The following GRID2 variants were observed in gnomAD, a reference collection of about 807,000 sequenced individuals.
GRID2 encodes the protein glutamate ionotropic receptor delta type subunit 2.
Under a neutral mutation model 114.8 loss-of-function variants are expected in GRID2, and 33 were observed. The ratio of observed to expected loss-of-function variants is 0.29; its 90% CI spans 0.22 to 0.38. The LOEUF (loss-of-function observed/expected upper bound fraction) is 0.38, where lower values mean the gene tolerates loss of function less well. Ranked by LOEUF, GRID2 falls within the 10% of genes least tolerant of loss-of-function variation. The pLI is 1.00. For missense variants in GRID2, 1,184 were observed against 1,257.7 expected (o/e 0.94, Z 0.89); for synonymous variants, 505 against 449.9 (o/e 1.12, Z -1.55).
chr4:92,887,690 T>C (rs1033046384), intron 2 of GRID2, among the ~76,000 whole-genome samples: 1 of 152,224 alleles, frequency 6.6e-6, no homozygotes, highest in Non-Finnish European at 1.5e-5. Flanking sequence ...GATCTTTTCT[T>C]AATCAGATTT....
intron 8 of GRID2, among the ~76,000 whole-genome samples, chr4:93,260,725 G>A (rs931510961): frequency 6.6e-6 from 1 of 151,716 alleles, no homozygotes; most frequent in South Asian, 2.1e-4. Context: ...TTTTCAACAG[G>A]CCAATCACAG....
At chr4:92,663,062 T>C (rs1732596275) in intron 2 of GRID2, among the ~76,000 whole-genome samples, 1 of 151,036 alleles carries the variant, frequency 6.6e-6, no homozygotes, top group Non-Finnish European at 1.5e-5. Flanking sequence ...CATCATGCAA[T>C]TCATATGCTA....
At chr4:92,777,360 A>G (rs1738860712) in intron 2 of GRID2, among the ~76,000 whole-genome samples, 1 of 152,094 alleles carries the variant, frequency 6.6e-6, no homozygotes, top group Non-Finnish European at 1.5e-5. Flanking sequence ...TTTGTGTGGT[A>G]ATAACAGCCC....
chr4:92,895,953 T>G (rs184905136), intron 2 of GRID2, among the ~76,000 whole-genome samples: 1 of 152,304 alleles, frequency 6.6e-6, no homozygotes, highest in Admixed American at 6.5e-5. Context: ...GTTGTCAGTA[T>G]TTTAGCCATG....
At chr4:93,793,373 A>G (rs928372166) in intron 1 of GRID2, among the ~76,000 whole-genome samples, 1 of 152,222 alleles carries the variant, frequency 6.6e-6, no homozygotes, top group Non-Finnish European at 1.5e-5. Context: ...GATTCTGATA[A>G]TGAACGTAGA....
intron 2 of GRID2, among the ~76,000 whole-genome samples, chr4:92,611,134 GTGTGTGTGTGCA>G (rs968594512): frequency 5.8e-5 from 8 of 137,182 alleles, no homozygotes; most frequent in African/African-American, 1.3e-4. Context: ...GTGTGTGCAT[GTGTGTGTGTGCA>G]TGTGTGTGTG....
At chr4:93,769,973 C>T (rs919652398) in intron 15 of GRID2, among the ~76,000 whole-genome samples, 2 of 152,164 alleles carry the variant, frequency 1.3e-5, no homozygotes, top group Non-Finnish European at 2.9e-5. Context: ...TTATCAAATC[C>T]AAAATCCACA....
chr4:93,038,940 C>T (rs1185737069), intron 2 of GRID2, among the ~76,000 whole-genome samples: 1 of 151,984 alleles, frequency 6.6e-6, no homozygotes, highest in Non-Finnish European at 1.5e-5. Context: ...ACTAGAAATA[C>T]CATTTGACCC....
chr4:92,720,626 T>C (rs1735766402), intron 2 of GRID2, among the ~76,000 whole-genome samples: 1 of 152,114 alleles, frequency 6.6e-6, no homozygotes, highest in Admixed American at 6.6e-5. Flanking sequence ...GTTGTGTATC[T>C]TTAAATATGC....
intron 4 of GRID2, among the ~76,000 whole-genome samples, chr4:93,130,362 G>T (rs1351407932): frequency 6.6e-6 from 1 of 152,112 alleles, no homozygotes; most frequent in African/African-American, 2.4e-5. Context: ...GATTACTGGA[G>T]CCCAGGATGT....
intron 1 of GRID2, among the ~76,000 whole-genome samples, chr4:92,574,628 T>A (rs1324206259): frequency 6.6e-6 from 1 of 152,084 alleles, no homozygotes; most frequent in East Asian, 1.9e-4. Context: ...GAAATTCTGT[T>A]CTTTAAAATG....
rs72889657 is a variant in GRID2 at position 93,189,147 on chromosome 4, G to A, written c.736-18257G>A. On this transcript the variant is annotated intron_variant, in intron 4 of 15. Coordinates refer to ENST00000282020, the MANE Select transcript of GRID2 (RefSeq NM_001510.4). ...TCCACATTTTAAGTTATTTGTTATA[G>A]CAGCACCCCAGTTTTGGGTACCAAA... Among the ~76,000 whole-genome samples, 1,125 of 152,180 alleles carry A rather than the reference G, an allele frequency of 7.4e-3. 20 individuals carry two copies. Among genetic ancestry groups the A allele is most frequent in the African/African-American group, 0.026 (1,074 of 41,500 alleles).
chr4:93,725,138 CCCA>C (rs1329602117), intron 14 of GRID2, among the ~76,000 whole-genome samples: 1 of 152,144 alleles, frequency 6.6e-6, no homozygotes, highest in Non-Finnish European at 1.5e-5. Context: ...CACCCCTCCC[CCCA>C]CCAAACAACA....
intron 2 of GRID2, among the ~76,000 whole-genome samples, chr4:92,613,107 A>G (rs931924240): frequency 6.6e-6 from 1 of 151,368 alleles, no homozygotes; most frequent in African/African-American, 2.4e-5. Flanking sequence ...TAATACTCAT[A>G]GTTTGTTGAG....
At chr4:93,380,399 G>A (rs1055607642) in intron 8 of GRID2, among the ~76,000 whole-genome samples, 1 of 151,484 alleles carries the variant, frequency 6.6e-6, no homozygotes, top group African/African-American at 2.4e-5. Context: ...GGAACTTGGA[G>A]AGAATAATTT....
At chr4:93,618,790 G>A (rs1741947356) in intron 13 of GRID2, among the ~76,000 whole-genome samples, 1 of 152,176 alleles carries the variant, frequency 6.6e-6, no homozygotes, top group African/African-American at 2.4e-5. Flanking sequence ...AGAATCACCA[G>A]TTCTTTTCCC....
intron 2 of GRID2, among the ~76,000 whole-genome samples, chr4:92,663,719 T>C (rs1490073137): frequency 6.6e-6 from 1 of 151,170 alleles, no homozygotes; most frequent in Admixed American, 6.6e-5. Flanking sequence ...ATGTTGTGCA[T>C]CCATCACCAC....
intron 2 of GRID2, among the ~76,000 whole-genome samples, chr4:93,000,102 C>T (rs893962674): frequency 3.3e-5 from 5 of 151,534 alleles, no homozygotes; most frequent in Admixed American, 6.6e-5. Context: ...AAGGTGCTTC[C>T]ATTGGCCGAG....
At chr4:92,477,500 A>C (rs1025436881) in intron 1 of GRID2, among the ~76,000 whole-genome samples, 2 of 151,944 alleles carry the variant, frequency 1.3e-5, no homozygotes, top group African/African-American at 4.8e-5. Flanking sequence ...TGATTGTGTC[A>C]GTTTATACTT....
Sources: gnomAD v4.1 joint callset for allele counts (sites outside exome capture counted in the v4.1 genomes callset) on GRCh38, gnomAD v4.1.1 for gene constraint, MANE v1.5 for transcripts, NCBI Gene and HGNC (gene_info 2026-07-23, HGNC 2026-07-21) for gene names.